SPRR2G: variants seen among roughly 807,000 people sequenced by gnomAD.
The protein encoded by SPRR2G is small proline-rich protein 2G.
SPRR2G carries 1 observed loss-of-function variant against 0.7 expected under a neutral mutation model. The observed-to-expected ratio is 1.49, with a 90% CI of 0.53 to 7.06. The LOEUF (loss-of-function observed/expected upper bound fraction) is 7.06. Among genes scored for constraint, SPRR2G ranks in the 30% most tolerant of loss-of-function variants. The pLI is 0.14. For missense variants in SPRR2G, 96 were observed against 88.5 expected, an observed-to-expected ratio of 1.09 and a Z score of -0.34; for synonymous variants, 38 against 33.9, an observed-to-expected ratio of 1.12 and a Z score of -0.42.
At chr1:153,201,956 G>A in the SPRR2G span, among the ~76,000 whole-genome samples, 1 of 152,280 alleles carries the variant, frequency 6.6e-6, no homozygotes, top group South Asian at 2.1e-4. Context: ...TGTTTCCTCA[G>A]CTCTCATTAA....
At chr1:153,179,244 T>C in the SPRR2G span, among the ~76,000 whole-genome samples, 1 of 152,116 alleles carries the variant, frequency 6.6e-6, no homozygotes, top group Non-Finnish European at 1.5e-5. Context: ...TTACTTAGAG[T>C]CAATTCATAA....
At chr1:153,187,218 T>C in the SPRR2G span, among the ~76,000 whole-genome samples, 11 of 152,200 alleles carry the variant, frequency 7.2e-5, no homozygotes, top group Non-Finnish European at 1.5e-4. Context: ...AGGTGTTCTC[T>C]GTATTTCCTG....
chr1:153,183,820 C>G, the SPRR2G span, among the ~76,000 whole-genome samples: 2 of 152,134 alleles, frequency 1.3e-5, no homozygotes, highest in South Asian at 4.1e-4. Flanking sequence ...ATGGTATTGC[C>G]TAGGTTTTCT....
chr1:153,172,534 T>C, the SPRR2G span, among the ~76,000 whole-genome samples: 4 of 152,162 alleles, frequency 2.6e-5, no homozygotes, highest in East Asian at 7.7e-4. Flanking sequence ...AAAGGGCTTC[T>C]GTGTCCTCTT....
the SPRR2G span, among the ~76,000 whole-genome samples, chr1:153,185,843 A>G: frequency 6.6e-6 from 1 of 152,198 alleles, no homozygotes; most frequent in South Asian, 2.1e-4. Flanking sequence ...TTTCTGATGT[A>G]GGCATTTAGT....
chr1:153,156,588 T>A, the SPRR2G span, among the ~76,000 whole-genome samples: 1 of 152,158 alleles, frequency 6.6e-6, no homozygotes, highest in Non-Finnish European at 1.5e-5. Flanking sequence ...CGCGCTGTTT[T>A]CCCTATCCTC....
chr1:153,167,561 T>C, the SPRR2G span, among the ~76,000 whole-genome samples: 1 of 152,192 alleles, frequency 6.6e-6, no homozygotes, highest in Admixed American at 6.5e-5. Flanking sequence ...TTGATATGTT[T>C]ACTGTATTGG....
the SPRR2G span, among the ~76,000 whole-genome samples, chr1:153,181,573 A>T: frequency 6.6e-6 from 1 of 151,980 alleles, no homozygotes; most frequent in Non-Finnish European, 1.5e-5. Flanking sequence ...CCCCATGCAC[A>T]TACACGCCTT....
At chr1:153,183,824 GT>G in the SPRR2G span, among the ~76,000 whole-genome samples, 1 of 152,254 alleles carries the variant, frequency 6.6e-6, no homozygotes, top group African/African-American at 2.4e-5. Context: ...TATTGCCTAG[GT>G]TTTCTTCTAG....
upstream of SPRR2G, among the ~76,000 whole-genome samples, chr1:153,151,700 T>C (rs1656471449): frequency 6.6e-6 from 1 of 152,230 alleles, no homozygotes; most frequent in African/African-American, 2.4e-5. Context: ...TTCTCCTACA[T>C]GCTAATTCAA....
At chr1:153,202,813 G>A in the SPRR2G span, among the ~76,000 whole-genome samples, 1 of 152,078 alleles carries the variant, frequency 6.6e-6, no homozygotes, top group South Asian at 2.1e-4. Context: ...CTGAGTTCAG[G>A]CACCCTGTGT....
the SPRR2G span, among the ~76,000 whole-genome samples, chr1:153,172,629 G>C: frequency 6.6e-6 from 1 of 152,176 alleles, no homozygotes; most frequent in Non-Finnish European, 1.5e-5. Flanking sequence ...TACAAAAAAA[G>C]AGTTAGACAC....
the SPRR2G span, among the ~76,000 whole-genome samples, chr1:153,158,192 C>T: frequency 6.6e-6 from 1 of 152,186 alleles, no homozygotes; most frequent in African/African-American, 2.4e-5. Flanking sequence ...AAGTCCAAGT[C>T]CAAAGTCTCA....
At chr1:153,165,078 T>C in the SPRR2G span, among the ~76,000 whole-genome samples, 1 of 152,076 alleles carries the variant, frequency 6.6e-6, no homozygotes, top group Non-Finnish European at 1.5e-5. Context: ...AATGAGATGG[T>C]TCTACCTGGC....
chr1:153,159,829 G>A, the SPRR2G span, among the ~76,000 whole-genome samples: 2 of 152,096 alleles, frequency 1.3e-5, no homozygotes, highest in Admixed American at 1.3e-4. Context: ...ATAAGAACTC[G>A]CACACTATCA....
chr1:153,173,892 A>G, the SPRR2G span, among the ~76,000 whole-genome samples: 2 of 152,148 alleles, frequency 1.3e-5, no homozygotes, highest in East Asian at 3.8e-4. Context: ...ACTCCTCGGG[A>G]AATTTTACAG....
chr1:153,183,915 T>C, the SPRR2G span, among the ~76,000 whole-genome samples: 3 of 152,230 alleles, frequency 2.0e-5, no homozygotes, highest in African/African-American at 7.2e-5. Context: ...AAGGAAGGGA[T>C]CCAGTTTCAG....
At chr1:153,153,219 G>C (rs967017941), upstream of SPRR2G, among the ~76,000 whole-genome samples, 1 of 151,716 alleles carries the variant, frequency 6.6e-6, no homozygotes, top group African/African-American at 2.4e-5. Flanking sequence ...TTTGAATTTT[G>C]GTATCATGTA....
At chr1:153,195,172 C>A in the SPRR2G span, among the ~76,000 whole-genome samples, 1 of 152,182 alleles carries the variant, frequency 6.6e-6, no homozygotes, top group East Asian at 1.9e-4. Flanking sequence ...GCCAAAGAGG[C>A]TCTTCTGAAG....
Sources: allele counts gnomAD v4.1 joint callset (sites outside exome capture counted in the v4.1 genomes callset), GRCh38; gene constraint gnomAD v4.1.1; transcripts MANE v1.5; gene names NCBI Gene and HGNC (gene_info 2026-07-23, HGNC 2026-07-21).